Variants in PCDHA1 observed in about 807,000 individuals in gnomAD.
The protein encoded by PCDHA1 is protocadherin alpha-1.
Under a neutral mutation model 61.3 loss-of-function variants are expected in PCDHA1, and 42 were observed. That is an observed-to-expected ratio of 0.69 (90% CI 0.54 to 0.89). The LOEUF (loss-of-function observed/expected upper bound fraction) is 0.89, where lower values mean the gene tolerates loss of function less well. Ranked by LOEUF, PCDHA1 falls within the 40% of genes least tolerant of loss-of-function variation. PCDHA1 has a pLI of 0.00. For synonymous variants in PCDHA1, 610 were observed against 553.8 expected, an observed-to-expected ratio of 1.10 and a Z score of -1.43; for missense variants, 1,256 against 1,235.3, an observed-to-expected ratio of 1.02 and a Z score of -0.25.
intron 1 of PCDHA1, among the ~76,000 whole-genome samples, chr5:140,918,114 G>C (rs989175486): frequency 5.8e-4 from 89 of 152,144 alleles, no homozygotes; most frequent in African/African-American, 2.1e-3. Flanking sequence ...TCACATCCTT[G>C]ATTAGCCATA....
At chr5:140,917,941 T>C (rs1415827294) in intron 1 of PCDHA1, among the ~76,000 whole-genome samples, 1 of 152,146 alleles carries the variant, frequency 6.6e-6, no homozygotes, top group Non-Finnish European at 1.5e-5. Flanking sequence ...ATAATATTGG[T>C]AGTTTGATAG....
chr5:140,914,022 C>T (rs1157309436), intron 1 of PCDHA1, among the ~76,000 whole-genome samples: 2 of 152,134 alleles, frequency 1.3e-5, no homozygotes, highest in African/African-American at 2.4e-5. Context: ...GAATGATCCA[C>T]GTGCTGAGAA....
chr5:140,831,281 C>T (rs1312764536), intron 1 of PCDHA1: 1 of 152,158 alleles, frequency 6.6e-6, no homozygotes, highest in Admixed American at 6.6e-5. Context: ...ATGGTCTTCT[C>T]TTCATGGAGT....
chr5:140,973,468 C>T (rs2096588845), intron 1 of PCDHA1, among the ~76,000 whole-genome samples: 1 of 152,202 alleles, frequency 6.6e-6, no homozygotes, highest in East Asian at 1.9e-4. Context: ...TTTTAGTTTG[C>T]AAATTTCATA....
At chr5:140,794,081 A>C (rs1554119064) in intron 1 of PCDHA1, among the ~76,000 whole-genome samples, 2 of 152,252 alleles carry the variant, frequency 1.3e-5, no homozygotes, top group Non-Finnish European at 2.9e-5. Context: ...TCATGGCAGC[A>C]CTGTTCACAA....
At chr5:140,929,690 C>A in intron 1 of PCDHA1, 1 of 278,482 alleles carries the variant, frequency 3.6e-6, no homozygotes, top group Non-Finnish European at 7.0e-6. Flanking sequence ...TAAGAGTCTG[C>A]TTTATATGAA....
chr5:140,823,878 C>A lies in PCDHA1; in HGVS notation c.2394+35194C>A, dbSNP rs142924665. On this transcript the variant is annotated intron_variant, in intron 1 of 3. Coordinates refer to ENST00000504120, the MANE Select transcript of PCDHA1 (RefSeq NM_018900.4). The stretch of plus-strand genomic sequence containing the variant: ...TGGATGTCAACGTGTACCTGATCAT[C>A]GCCATCTGTGCGGTGTCCAGCCTGC... 6,707 of 1,613,924 alleles carry A rather than the reference C, an allele frequency of 4.2e-3. 22 individuals are homozygous for A. Among genetic ancestry groups the A allele is most frequent in the Non-Finnish European group, 5.2e-3 (6,149 of 1,179,944 alleles).
chr5:140,817,270 G>T (rs1163288227), intron 1 of PCDHA1: 1 of 152,194 alleles, frequency 6.6e-6, no homozygotes, highest in African/African-American at 2.4e-5. Context: ...TGTTTGAATG[G>T]AACTGTGCTG....
In PCDHA1 at chr5:141,011,816, A is replaced by G. The variant is rs1382441831; in HGVS notation, c.*1879A>G. The G allele has an allele frequency of 1.3e-5, 2 of 153,794 alleles. No homozygotes were observed. Among genetic ancestry groups the G allele is most frequent in the Admixed American group, 1.3e-4 (2 of 15,280 alleles). The allele number at this position is 153,794 out of a possible 1,614,324, so 9.5% of individuals were successfully genotyped here. On this transcript the variant is annotated 3_prime_UTR_variant, in exon 4 of 4. Transcript: ENST00000504120. ...TCTGAAATATCAGCTCATAGAAAGT[A>G]ACAAAATTTGCTGTCACCTTAAATA...
chr5:140,870,149 T>G (rs2051707862), intron 1 of PCDHA1: 2 of 1,613,952 alleles, frequency 1.2e-6, no homozygotes, highest in Non-Finnish European at 8.5e-7. Context: ...TCTCCTGAAG[T>G]CGCCGTGACT....
chr5:140,875,516 TG>T, intron 1 of PCDHA1: 1 of 1,613,976 alleles, frequency 6.2e-7, no homozygotes, highest in Non-Finnish European at 8.5e-7. Context: ...CAGCGTCTGC[TG>T]CTCTCGCTTC....
intron 1 of PCDHA1, chr5:140,848,505 T>G: frequency 6.3e-7 from 1 of 1,587,952 alleles, no homozygotes; most frequent in South Asian, 1.1e-5. Context: ...AATGTTATAC[T>G]CAAGTCGAGG....
At chr5:140,875,130 C>T (rs2055283720) in intron 1 of PCDHA1, among the ~76,000 whole-genome samples, 1 of 151,894 alleles carries the variant, frequency 6.6e-6, no homozygotes, top group Admixed American at 6.6e-5. Context: ...TAACTAAACC[C>T]GCATTTATAA....
chr5:140,832,834 T>C (rs1009712923), intron 1 of PCDHA1, among the ~76,000 whole-genome samples: 2 of 152,174 alleles, frequency 1.3e-5, no homozygotes, highest in African/African-American at 4.8e-5. Flanking sequence ...CTTTTTCCCT[T>C]GTTGAAGGAG....
chr5:140,863,001 C>A, intron 1 of PCDHA1: 1 of 550,202 alleles, frequency 1.8e-6, no homozygotes, highest in South Asian at 1.4e-5. Context: ...ACGGTGGACT[C>A]CAGCTATGAC....
intron 1 of PCDHA1, chr5:140,860,593 T>C (rs782239381): frequency 6.6e-6 from 1 of 152,050 alleles, no homozygotes. Flanking sequence ...GGAAAGGAGT[T>C]GGAAGCTCAC....
chr5:140,974,884 T>A (rs1485443373), intron 1 of PCDHA1, among the ~76,000 whole-genome samples: 1 of 152,240 alleles, frequency 6.6e-6, no homozygotes, highest in Non-Finnish European at 1.5e-5. Context: ...TATGTATCCC[T>A]TTTCTGATGA....
chr5:140,810,493 G>T (rs1554125501), intron 1 of PCDHA1: 1 of 152,090 alleles, frequency 6.6e-6, no homozygotes, highest in Admixed American at 6.5e-5. Flanking sequence ...CTCTACATTT[G>T]TCAGGTTATT....
intron 1 of PCDHA1, among the ~76,000 whole-genome samples, chr5:140,846,903 G>A (rs941589214): frequency 2.7e-5 from 4 of 149,652 alleles, no homozygotes; most frequent in Non-Finnish European, 6.0e-5. Flanking sequence ...GAAGTTGAAA[G>A]ACAATCATTT....
Sources: gnomAD v4.1 joint callset for allele counts (sites outside exome capture counted in the v4.1 genomes callset) on GRCh38, gnomAD v4.1.1 for gene constraint, MANE v1.5 for transcripts, NCBI Gene and HGNC (gene_info 2026-07-23, HGNC 2026-07-21) for gene names.